Variants in NCOA3 observed in about 807,000 individuals in gnomAD.
NCOA3 encodes nuclear receptor coactivator 3, also known as CBP-interacting protein.
A neutral mutation model predicts 158.8 loss-of-function variants in NCOA3; 51 were observed. The ratio of observed to expected loss-of-function variants is 0.32; its 90% confidence interval spans 0.26 to 0.41. The LOEUF (loss-of-function observed/expected upper bound fraction) is 0.41. Ranked by LOEUF, NCOA3 falls within the 10% of genes least tolerant of loss-of-function variation. NCOA3 has a pLI of 1.00. For synonymous variants in NCOA3, 537 were observed against 592.4 expected (o/e 0.91, Z 1.36); for missense variants, 1,510 against 1,746.6 (o/e 0.86, Z 2.41).
chr20:47,587,687 A>G (rs913995316), intron 2 of NCOA3, among the ~76,000 whole-genome samples: 1 of 151,974 alleles, frequency 6.6e-6, no homozygotes, highest in South Asian at 2.1e-4. Flanking sequence ...TTTGTATTTT[A>G]TTGCTGTATT....
chr20:47,520,528 G>C (rs1283712419), intron 1 of NCOA3, among the ~76,000 whole-genome samples: 1 of 152,204 alleles, frequency 6.6e-6, no homozygotes, highest in Non-Finnish European at 1.5e-5. Flanking sequence ...TCAACCCCCT[G>C]AAATTTGCGG....
chr20:47,564,186 G>T (rs537942109), intron 1 of NCOA3, among the ~76,000 whole-genome samples: 2 of 151,400 alleles, frequency 1.3e-5, no homozygotes, highest in African/African-American at 4.8e-5. Flanking sequence ...ACCTTTCTCC[G>T]TTTTTTTCCC....
At chr20:47,528,012 T>A (rs991024369) in intron 1 of NCOA3, among the ~76,000 whole-genome samples, 2 of 152,318 alleles carry the variant, frequency 1.3e-5, no homozygotes, top group South Asian at 2.1e-4. Flanking sequence ...CTCATTTTTT[T>A]AAATGTTCTC....
intron 2 of NCOA3, among the ~76,000 whole-genome samples, chr20:47,608,493 G>T (rs2085986505): frequency 1.3e-5 from 2 of 151,812 alleles, no homozygotes; most frequent in African/African-American, 2.4e-5. Context: ...AAAAAAATCA[G>T]CTGGGCATGG....
intron 3 of NCOA3, chr20:47,622,878 T>A (rs2086264450): frequency 6.6e-6 from 1 of 152,230 alleles, no homozygotes. Context: ...AGTACATTGA[T>A]CAAGTTAGGG....
intron 16 of NCOA3, among the ~76,000 whole-genome samples, chr20:47,641,974 G>A (rs1225174236): frequency 3.9e-5 from 6 of 152,044 alleles, no homozygotes; most frequent in Admixed American, 3.3e-4. Context: ...TTACAATTTG[G>A]TGTTGGGATT....
At chr20:47,541,825 G>A (rs1345983458) in intron 1 of NCOA3, among the ~76,000 whole-genome samples, 1 of 151,532 alleles carries the variant, frequency 6.6e-6, no homozygotes, top group Non-Finnish European at 1.5e-5. Flanking sequence ...TTTCTTAGTA[G>A]CATCAAATAC....
Position 47,583,089 on chromosome 20 carries a change from C to T in NCOA3, c.-98-94C>T, listed in dbSNP as rs72662729. 443 of 396,504 alleles carry T rather than the reference C, an allele frequency of 1.1e-3. 6 individuals are homozygous for T. The East Asian group carries it at 0.013, about 12-fold the overall frequency. The allele number at this position is 396,504 out of a possible 1,614,324, so 24.6% of individuals were successfully genotyped here. On this transcript the variant is annotated intron_variant, in intron 1 of 22. Transcript: ENST00000371998. ...GATTACAGGCGTGAGCCACCACGCC[C>T]GGCTGGAAGACTTAATTTGTGGGTG...
At chr20:47,630,693 ACC>A (rs1452948445) in intron 8 of NCOA3, 1 of 152,092 alleles carries the variant, frequency 6.6e-6, no homozygotes, top group Non-Finnish European at 1.5e-5. Context: ...CGAACTCCTG[ACC>A]TCATGATCCA....
At chr20:47,509,498 A>G (rs1399834478) in intron 1 of NCOA3, among the ~76,000 whole-genome samples, 3 of 152,224 alleles carry the variant, frequency 2.0e-5, no homozygotes, top group Admixed American at 6.5e-5. Flanking sequence ...TTCTCGTGTA[A>G]GAAAAGCAAG....
rs753585419 is a variant in NCOA3, at chr20:47,642,422, TTG to T, written c.3252+47_3252+48del. On this transcript the variant is annotated intron_variant, in intron 17 of 22. Coordinates refer to ENST00000371998, the MANE Select transcript of NCOA3 (RefSeq NM_181659.3). ...AACATGGAAGTAGGAGAGTGTATAT[TTG>T]TGTGTGTGCGCGCGTACACATTCAT... is the stretch of plus-strand genomic sequence containing the variant. 20 of 1,512,014 alleles carry T rather than the reference TTG, an allele frequency of 1.3e-5. No homozygotes were observed. The South Asian group carries it at 1.8e-4, about 13-fold the overall frequency. The allele number at this position is 1,512,014 out of a possible 1,614,324, so 93.7% of individuals were successfully genotyped here.
chr20:47,533,864 T>C (rs1362287834), intron 1 of NCOA3, among the ~76,000 whole-genome samples: 1 of 152,128 alleles, frequency 6.6e-6, no homozygotes, highest in Non-Finnish European at 1.5e-5. Flanking sequence ...AGGTTGAGGC[T>C]GCCGTGAGCT....
intron 19 of NCOA3, among the ~76,000 whole-genome samples, chr20:47,650,442 G>C (rs113192446): frequency 0.044 from 6,651 of 151,340 alleles, 407 homozygotes; most frequent in African/African-American, 0.14. Flanking sequence ...GTAGAGACAG[G>C]GTTTCACCAT....
chr20:47,622,348 TG>T lies in NCOA3; in HGVS notation c.83+20del. Reference sequence around the variant, plus strand: ...GGACAAGGGTAGGTGACTTATTTCCTGGTGCTTTACCACACTTGTTGTGCCT... The same window carrying T: ...GGACAAGGGTAGGTGACTTATTTCCTGTGCTTTACCACACTTGTTGTGCCT... On this transcript the variant is annotated intron_variant, in intron 3 of 22. Coordinates refer to ENST00000371998, the MANE Select transcript of NCOA3 (RefSeq NM_181659.3). The T allele has an allele frequency of 6.6e-7, 1 of 1,522,470 alleles. No individual in the cohort carries two copies. Among genetic ancestry groups the T allele is most frequent in the Non-Finnish European group, 9.0e-7 (1 of 1,115,174 alleles). The allele number at this position is 1,522,470 out of a possible 1,614,324, so 94.3% of individuals were successfully genotyped here.
intron 5 of NCOA3, 64 bp downstream of exon 5, chr20:47,625,545 A>G: frequency 8.6e-7 from 1 of 1,168,666 alleles, no homozygotes; most frequent in Non-Finnish European, 1.2e-6. Flanking sequence ...ATAAAGTTAT[A>G]AAAAATCGAT....
chr20:47,645,289 G>T (rs1297826664), intron 17 of NCOA3, among the ~76,000 whole-genome samples: 2 of 152,010 alleles, frequency 1.3e-5, no homozygotes, highest in African/African-American at 4.8e-5. Context: ...CAGGGAGCAG[G>T]CAGGGAGGTA....
At position 47,647,151 on chromosome 20, in the gene NCOA3, T is replaced by C. The variant is rs752104581; in HGVS notation, c.3331T>C (p.Tyr1111His). 3.1e-6 allele frequency: 5 copies of C among 1,614,082 alleles called. No homozygotes were observed. In the African/African-American group the frequency reaches 6.7e-5, roughly 22 times the overall value. Residue 1111 changes from tyrosine to histidine, a missense_variant, in exon 18 of 23, where the codon TAT (tyrosine) becomes CAT (histidine). Tyr to His is a moderately conservative substitution (Grantham distance 83, BLOSUM62 2). Coordinates refer to ENST00000371998, the MANE Select transcript of NCOA3 (RefSeq NM_181659.3). ...AATGATGGATCAGAAGGCAGGATTA[T>C]ATGGACAGACATACCCAGCACAGGG... ...AVMMDQKAGL[Y>H]GQTYPAQGPP...
intron 1 of NCOA3, among the ~76,000 whole-genome samples, chr20:47,520,208 A>G (rs1457651873): frequency 6.6e-6 from 1 of 151,984 alleles, no homozygotes; most frequent in Non-Finnish European, 1.5e-5. Context: ...ATTATCAATT[A>G]GAGGTTTTAA....
chr20:47,629,958 G>C (rs1300400595), intron 8 of NCOA3, among the ~76,000 whole-genome samples: 1 of 152,200 alleles, frequency 6.6e-6, no homozygotes, highest in African/African-American at 2.4e-5. Context: ...AAATTGCCAA[G>C]CAAGAAAGAT....
Sources: allele counts gnomAD v4.1 joint callset (sites outside exome capture counted in the v4.1 genomes callset), GRCh38; gene constraint gnomAD v4.1.1; transcripts MANE v1.5; gene names NCBI Gene and HGNC (gene_info 2026-07-23, HGNC 2026-07-21).